Variants in ADGRL3 observed in about 807,000 individuals in gnomAD.
ADGRL3 encodes adhesion G protein-coupled receptor L3, also known as calcium-independent alpha-latrotoxin receptor 3.
ADGRL3 carries 62 observed loss-of-function variants against 153.5 expected under a neutral mutation model. That is an observed-to-expected ratio of 0.40 (90% CI 0.33 to 0.50). The LOEUF (loss-of-function observed/expected upper bound fraction) is 0.50. ADGRL3 is among the 20% of genes least tolerant of loss of function. The pLI, the probability that ADGRL3 is intolerant of heterozygous loss-of-function variation, is 0.47. For synonymous variants in ADGRL3, 710 were observed against 672.5 expected (o/e 1.06, Z -0.86); for missense variants, 1,641 against 1,859.4 (o/e 0.88, Z 2.16).
At chr4:61,738,367 T>C (rs1341691215) in intron 8 of ADGRL3, among the ~76,000 whole-genome samples, 3 of 152,188 alleles carry the variant, frequency 2.0e-5, no homozygotes, top group Non-Finnish European at 4.4e-5. Flanking sequence ...CTGCGAATTG[T>C]GCTGCTGTAA....
chr4:61,644,811 T>C (rs1580051416), intron 5 of ADGRL3, among the ~76,000 whole-genome samples: 1 of 152,124 alleles, frequency 6.6e-6, no homozygotes, highest in South Asian at 2.1e-4. Context: ...CCGCTTGGTA[T>C]AGAGCTGAGT....
chr4:61,222,939 G>T (rs569174962), intron 1 of ADGRL3, among the ~76,000 whole-genome samples: 1 of 152,276 alleles, frequency 6.6e-6, no homozygotes, highest in African/African-American at 2.4e-5. Flanking sequence ...AGGGAAAATT[G>T]TTAAGATAGT....
intron 1 of ADGRL3, among the ~76,000 whole-genome samples, chr4:61,376,434 CAG>C (rs1353016451): frequency 6.6e-6 from 1 of 151,576 alleles, no homozygotes; most frequent in Non-Finnish European, 1.5e-5. Flanking sequence ...ATTTCTTAAT[CAG>C]AGAAAGAAAG....
intron 1 of ADGRL3, among the ~76,000 whole-genome samples, chr4:61,241,414 C>G (rs563687654): frequency 6.6e-6 from 1 of 152,090 alleles, no homozygotes; most frequent in South Asian, 2.1e-4. Flanking sequence ...CATGTAGATT[C>G]TTAAATTAGG....
intron 2 of ADGRL3, among the ~76,000 whole-genome samples, chr4:61,476,917 C>T (rs2098068659): frequency 6.6e-6 from 1 of 151,366 alleles, no homozygotes; most frequent in South Asian, 2.1e-4. Context: ...ATCCCCTCCT[C>T]CCTATTTTAT....
At position 61,983,383 on chromosome 4, in the gene ADGRL3, A is replaced by T. The variant is rs372437409; in HGVS notation, c.3016A>T (p.Ile1006Phe). Residue 1006 changes from isoleucine to phenylalanine, a missense_variant and splice_region_variant, in exon 19 of 27, where the codon ATT becomes TTT. Ile to Phe is a conservative substitution (Grantham distance 21). Around this residue, in one of 5 missense-constraint regions of ADGRL3, gnomAD observed 734 missense variants for 797.0 expected, o/e 0.92. Coordinates refer to ENST00000683033, the MANE Select transcript of ADGRL3 (RefSeq NM_001387552.1). ...CTAAATCATTTGTTCCTTTTCCTAG[A>T]TTGCCTGTGCTGTTTTCGCTGCCCT... ...LIGINRTDQPIACAVFAALLH... is the reference protein window; with the variant it reads ...LIGINRTDQPFACAVFAALLH... The T allele has an allele frequency of 1.5e-5, 24 of 1,612,512 alleles. No homozygotes were observed. The Admixed American group carries it at 2.5e-4, about 17-fold the overall frequency.
At chr4:61,221,413 G>A (rs1745437636) in intron 1 of ADGRL3, among the ~76,000 whole-genome samples, 1 of 152,074 alleles carries the variant, frequency 6.6e-6, no homozygotes, top group Admixed American at 6.6e-5. Flanking sequence ...CAATATTTGT[G>A]TCCTCTTCAA....
At chr4:61,508,247 T>C (rs916648618) in intron 3 of ADGRL3, among the ~76,000 whole-genome samples, 1 of 152,196 alleles carries the variant, frequency 6.6e-6, no homozygotes, top group East Asian at 1.9e-4. Flanking sequence ...ATAATGAAAG[T>C]CACTATTTTT....
At chr4:62,019,629 T>C (rs2099228786) in intron 21 of ADGRL3, among the ~76,000 whole-genome samples, 1 of 152,092 alleles carries the variant, frequency 6.6e-6, no homozygotes, top group African/African-American at 2.4e-5. Flanking sequence ...TTATATCTCA[T>C]TGGGCTTCTG....
chr4:61,310,842 A>T (rs1006725410), intron 1 of ADGRL3, among the ~76,000 whole-genome samples: 1 of 151,280 alleles, frequency 6.6e-6, no homozygotes, highest in African/African-American at 2.4e-5. Flanking sequence ...GTGCTTGTGG[A>T]CCCTATAAAT....
intron 5 of ADGRL3, among the ~76,000 whole-genome samples, chr4:61,673,825 A>C (rs2095089738): frequency 6.6e-6 from 1 of 151,118 alleles, no homozygotes; most frequent in African/African-American, 2.4e-5. Context: ...TGATATAAAC[A>C]TAGTAATAGA....
At chr4:61,500,334 C>A (rs2098373390) in intron 3 of ADGRL3, among the ~76,000 whole-genome samples, 1 of 152,024 alleles carries the variant, frequency 6.6e-6, no homozygotes, top group Non-Finnish European at 1.5e-5. Flanking sequence ...TTTAAGAAGG[C>A]TTTTTCTTTT....
intron 1 of ADGRL3, among the ~76,000 whole-genome samples, chr4:61,233,743 A>G (rs1751709469): frequency 6.6e-6 from 1 of 152,024 alleles, no homozygotes; most frequent in South Asian, 2.1e-4. Flanking sequence ...AAGACTTAAG[A>G]ATTCTGAGGA....
intron 2 of ADGRL3, among the ~76,000 whole-genome samples, chr4:61,430,617 C>G (rs998173635): frequency 6.6e-6 from 1 of 152,032 alleles, no homozygotes; most frequent in African/African-American, 2.4e-5. Flanking sequence ...ATCGGTTGTA[C>G]TTAAAACCCA....
At chr4:61,284,488 A>T (rs2093852063) in intron 1 of ADGRL3, among the ~76,000 whole-genome samples, 3 of 151,964 alleles carry the variant, frequency 2.0e-5, no homozygotes. Flanking sequence ...ACAGAAAATT[A>T]TATGACAAAT....
At chr4:61,673,981 C>A (rs1184431001) in intron 5 of ADGRL3, among the ~76,000 whole-genome samples, 1 of 151,126 alleles carries the variant, frequency 6.6e-6, no homozygotes, top group Non-Finnish European at 1.5e-5. Flanking sequence ...AATTAGAAGG[C>A]TTTCTTGACT....
rs552794083 is a variant in ADGRL3 at position 61,254,422 on chromosome 4, T to G, written c.-240+52657T>G. On this transcript the variant is annotated intron_variant, in intron 1 of 26. Coordinates refer to ENST00000683033, the MANE Select transcript of ADGRL3 (RefSeq NM_001387552.1). ...GAAAGTTTCTACCTTCTTAGTGCTA[T>G]TTGAAATTATTTTAAAATCTTGAAT... is the stretch of plus-strand genomic sequence containing the variant. Among the ~76,000 whole-genome samples the G allele has an allele frequency of 5.3e-5, 8 of 152,274 alleles. No individual in the cohort carries two copies. In the South Asian group the frequency reaches 1.7e-3, roughly 32 times the overall value.
intron 13 of ADGRL3, among the ~76,000 whole-genome samples, chr4:61,915,560 A>G (rs2098741541): frequency 6.6e-6 from 1 of 152,106 alleles, no homozygotes; most frequent in African/African-American, 2.4e-5. Context: ...ATAGCAGTTT[A>G]TTCAGTGGTT....
At chr4:61,507,298 G>T (rs145482657) in intron 3 of ADGRL3, among the ~76,000 whole-genome samples, 1 of 152,112 alleles carries the variant, frequency 6.6e-6, no homozygotes, top group Non-Finnish European at 1.5e-5. Context: ...AGGCCTTTTA[G>T]ATTAGTTACA....
Sources: gnomAD v4.1 joint callset for allele counts (sites outside exome capture counted in the v4.1 genomes callset) on GRCh38, gnomAD v4.1.1 for gene constraint, gnomAD v4.1.1 regional missense constraint, MANE v1.5 for transcripts, NCBI Gene and HGNC (gene_info 2026-07-23, HGNC 2026-07-21) for gene names.